NDNF: variants seen among roughly 807,000 people sequenced by gnomAD.
NDNF encodes the protein protein NDNF.
NDNF carries 16 observed loss-of-function variants against 42.0 expected under a neutral mutation model. The observed-to-expected ratio is 0.38, with a 90% CI of 0.26 to 0.58. The LOEUF is 0.58. Ranked by LOEUF, NDNF falls within the 20% of genes least tolerant of loss-of-function variation. The pLI is 0.67. For missense variants in NDNF, 616 were observed against 666.2 expected (o/e 0.92, Z 0.83); for synonymous variants, 248 against 251.7 (o/e 0.99, Z 0.14).
chr4:121,040,038 C>T lies in NDNF; in HGVS notation c.205G>A (p.Glu69Lys), dbSNP rs1371153610. 6.2e-7 allele frequency: 1 copy of T among 1,613,492 alleles called. No individual in the cohort carries two copies. Among genetic ancestry groups the T allele is most frequent in the Admixed American group, 1.7e-5 (1 of 59,946 alleles). The change falls in exon 3 of 4, where the codon GAA (glutamate) becomes AAA (lysine). Residue 69 changes from glutamate (E) to lysine (K), a missense_variant. Coordinates refer to ENST00000379692, the MANE Select transcript of NDNF (RefSeq NM_024574.4). ...ACTGATAATGGAGTATTGTCTTCTT[C>T]AACCACAAAGAAATACCTGTGGGAA... Reference protein sequence around the residue: ...DTPKRYFFVVEEDNTPLSVTV... With the variant: ...DTPKRYFFVVKEDNTPLSVTV...
rs765713869 is a variant in NDNF at position 121,036,911 on chromosome 4, A to G, written c.1060T>C (p.Phe354Leu). Residue 354 changes from phenylalanine (F) to leucine (L), a missense_variant, in exon 4 of 4, where the codon TTT becomes CTT. By Grantham distance (22) the Phe-to-Leu change is conservative. Coordinates refer to ENST00000379692, the MANE Select transcript of NDNF (RefSeq NM_024574.4). ...AACTTTGCTCCCTTCCTTTTAACAA[A>G]TACATCTGTTATCTTCCCATCTTTT... ...ELKDGKITDVFVKRKGAKFLR... is the reference protein window; with the variant it reads ...ELKDGKITDVLVKRKGAKFLR... 1.2e-6 allele frequency: 2 copies of G among 1,613,846 alleles called. No individual in the cohort carries two copies. The highest frequency in any genetic ancestry group is 2.2e-5 in the East Asian group (1 of 44,872).
At chr4:121,049,233 G>C (rs1024497715) in intron 1 of NDNF, among the ~76,000 whole-genome samples, 7 of 152,164 alleles carry the variant, frequency 4.6e-5, no homozygotes, top group African/African-American at 1.4e-4. Context: ...CAAGTACTTG[G>C]GAGCAGAAGT....
At chr4:121,057,591 G>A (rs1324279369) in intron 1 of NDNF, among the ~76,000 whole-genome samples, 2 of 152,156 alleles carry the variant, frequency 1.3e-5, no homozygotes, top group Non-Finnish European at 2.9e-5. Flanking sequence ...CAGATGAAAC[G>A]GATTAGAGGC....
chr4:121,061,532 GTCTC>G (rs1425168044), intron 1 of NDNF: 5 of 152,118 alleles, frequency 3.3e-5, no homozygotes, highest in Admixed American at 2.0e-4. Flanking sequence ...TTCCTTCTCT[GTCTC>G]TTCTCTCCTA....
Position 121,036,672 on chromosome 4 carries a change from A to G in NDNF, c.1299T>C (p.Ile433=). The change falls in exon 4 of 4, where the codon ATT becomes ATC. Residue 433 remains isoleucine (I), a synonymous_variant. Transcript: ENST00000379692. ...GNKKGASMLK[I]LATTRPTKQS... is the part of the protein sequence containing the mutation. ...GCTTAGTAGGCCTTGTGGTAGCTAG[A>G]ATTTTCAACATAGATGCTCCTTTCT... The G allele has an allele frequency of 6.2e-7, 1 of 1,614,126 alleles. No individual in the cohort carries two copies.
At chr4:121,069,423 T>C (rs1010317637) in intron 1 of NDNF, among the ~76,000 whole-genome samples, 1 of 152,256 alleles carries the variant, frequency 6.6e-6, no homozygotes, top group Non-Finnish European at 1.5e-5. Flanking sequence ...GATTAAAAGA[T>C]GTTTTATATT....
intron 1 of NDNF, among the ~76,000 whole-genome samples, chr4:121,061,728 GCATTTATT>G (rs1727413089): frequency 1.3e-5 from 2 of 151,888 alleles, no homozygotes; most frequent in Admixed American, 1.3e-4. Flanking sequence ...ATTTATTCAT[GCATTTATT>G]CATTTATTCA....
chr4:121,051,337 G>C (rs888123597), intron 1 of NDNF, among the ~76,000 whole-genome samples: 11 of 152,036 alleles, frequency 7.2e-5, no homozygotes, highest in Non-Finnish European at 7.4e-5. Flanking sequence ...ATGGATAATT[G>C]AACATGTACA....
intron 1 of NDNF, among the ~76,000 whole-genome samples, chr4:121,048,613 G>A (rs1477818836): frequency 6.6e-6 from 1 of 152,220 alleles, no homozygotes; most frequent in African/African-American, 2.4e-5. Flanking sequence ...GCCAAGGCAG[G>A]TGGATCACGA....
At chr4:121,039,145 G>GTA (rs1474660216) in intron 3 of NDNF, among the ~76,000 whole-genome samples, 9 of 86,336 alleles carry the variant, frequency 1.0e-4, no homozygotes, top group African/African-American at 2.9e-4. Flanking sequence ...ATATATATGT[G>GTA]TATATATATA....
At chr4:121,069,832 C>T (rs1205334974) in intron 1 of NDNF, among the ~76,000 whole-genome samples, 1 of 152,176 alleles carries the variant, frequency 6.6e-6, no homozygotes, top group Non-Finnish European at 1.5e-5. Context: ...CCTCTCTCCC[C>T]TCCAAGAGTT....
chr4:121,045,235 C>T (rs1413445254), intron 2 of NDNF, among the ~76,000 whole-genome samples: 1 of 152,022 alleles, frequency 6.6e-6, no homozygotes, highest in South Asian at 2.1e-4. Context: ...GCCTGTAGTC[C>T]CAGCTACTCG....
chr4:121,050,973 T>C (rs548120609), intron 1 of NDNF, among the ~76,000 whole-genome samples: 2 of 152,216 alleles, frequency 1.3e-5, no homozygotes, highest in South Asian at 4.1e-4. Context: ...TAATCCAAAG[T>C]AAATAACTAG....
In NDNF at chr4:121,072,046, T is replaced by C. The variant is rs574495598; in HGVS notation, c.-55A>G. ...AATAGAAAAAAATCCCTCCCCGTGG[T>C]GTGGTGTGCGAAATAGTCCACGTCC... On this transcript the variant is annotated 5_prime_UTR_variant, in exon 1 of 4. Coordinates refer to ENST00000379692, the MANE Select transcript of NDNF (RefSeq NM_024574.4). The C allele has an allele frequency of 6.6e-6, 1 of 152,188 alleles. No homozygotes were observed. Among genetic ancestry groups the C allele is most frequent in the Non-Finnish European group, 1.5e-5 (1 of 68,098 alleles). The allele number at this position is 152,188 out of a possible 1,614,324, so 9.4% of individuals were successfully genotyped here.
At chr4:121,067,830 G>A (rs1490203679) in intron 1 of NDNF, among the ~76,000 whole-genome samples, 1 of 152,150 alleles carries the variant, frequency 6.6e-6, no homozygotes, top group Non-Finnish European at 1.5e-5. Context: ...AAATTCATGT[G>A]TTTGTTGGTT....
At chr4:121,053,718 G>C (rs1369768292) in intron 1 of NDNF, among the ~76,000 whole-genome samples, 1 of 152,188 alleles carries the variant, frequency 6.6e-6, no homozygotes, top group East Asian at 1.9e-4. Flanking sequence ...AACTGAGATA[G>C]CTGGGATAAC....
chr4:121,051,395 T>C (rs763778853), intron 1 of NDNF, among the ~76,000 whole-genome samples: 8 of 152,172 alleles, frequency 5.3e-5, no homozygotes, highest in Non-Finnish European at 8.8e-5. Flanking sequence ...TCATATTCTA[T>C]GGAACTTTTA....
intron 1 of NDNF, among the ~76,000 whole-genome samples, chr4:121,066,386 T>C (rs1472176874): frequency 2.0e-5 from 3 of 152,058 alleles, no homozygotes; most frequent in Non-Finnish European, 2.9e-5. Flanking sequence ...ATATAAATTA[T>C]AACCATCTAC....
At chr4:121,056,762 G>A (rs1727303610) in intron 1 of NDNF, among the ~76,000 whole-genome samples, 1 of 152,182 alleles carries the variant, frequency 6.6e-6, no homozygotes, top group Admixed American at 6.5e-5. Flanking sequence ...GTTCAAAGAT[G>A]TTTCTGTTCT....
Sources: allele counts gnomAD v4.1 joint callset (sites outside exome capture counted in the v4.1 genomes callset), GRCh38; gene constraint gnomAD v4.1.1; transcripts MANE v1.5; gene names NCBI Gene and HGNC (gene_info 2026-07-23, HGNC 2026-07-21).